Variants in DOCK4 observed in about 807,000 individuals in gnomAD.
DOCK4 encodes dedicator of cytokinesis 4.
In DOCK4, 97 loss-of-function variants were observed where a neutral mutation model predicts 268.1. That is an observed-to-expected ratio of 0.36 (90% CI 0.31 to 0.43). The LOEUF (loss-of-function observed/expected upper bound fraction) is 0.43. Ranked by LOEUF, DOCK4 falls within the 20% of genes least tolerant of loss-of-function variation. The pLI is 1.00. For missense variants in DOCK4, 2,145 were observed against 2,455.7 expected (o/e 0.87, Z 2.67); for synonymous variants, 954 against 887.2 (o/e 1.08, Z -1.34).
intron 1 of DOCK4, among the ~76,000 whole-genome samples, chr7:112,128,748 A>C (rs1452258632): frequency 1.3e-5 from 2 of 151,806 alleles, no homozygotes; most frequent in Non-Finnish European, 1.5e-5. Context: ...CCACTCCCTA[A>C]TCTCAAGTAC....
At chr7:111,953,217 A>C (rs1381554473) in intron 8 of DOCK4, among the ~76,000 whole-genome samples, 1 of 151,764 alleles carries the variant, frequency 6.6e-6, no homozygotes, top group Admixed American at 6.6e-5. Flanking sequence ...TTAAAAAAAA[A>C]AAAAATTAAC....
In DOCK4 at chr7:111,734,949, C is replaced by A; in HGVS notation, c.5419+105G>T. On this transcript the variant is annotated intron_variant, in intron 51 of 52. Coordinates refer to ENST00000428084, the MANE Select transcript of DOCK4 (RefSeq NM_001363540.2). ...TTATGCAGCTACTAAGGTTTTTATC[C>A]CAGAAATCAAACGCCTACCTTTCTC... is the stretch of plus-strand genomic sequence containing the variant. 3.4e-6 allele frequency: 3 copies of A among 890,804 alleles called. No homozygotes were observed. The East Asian group carries it at 7.9e-5, about 24-fold the overall frequency. 55.2% of individuals were successfully genotyped at this position (890,804 alleles called of 1,614,324 possible).
chr7:111,987,926 C>T (rs752418132), intron 6 of DOCK4, among the ~76,000 whole-genome samples: 13 of 152,128 alleles, frequency 8.5e-5, no homozygotes, highest in South Asian at 4.1e-4. Flanking sequence ...AACAAAATAC[C>T]GGAAGTCCTC....
At chr7:112,039,311 T>A (rs551665175) in intron 1 of DOCK4, among the ~76,000 whole-genome samples, 1 of 147,306 alleles carries the variant, frequency 6.8e-6, no homozygotes, top group African/African-American at 2.5e-5. Flanking sequence ...GCTGATAACA[T>A]TGAATTACCA....
At chr7:112,055,162 T>C (rs1805702152) in intron 1 of DOCK4, among the ~76,000 whole-genome samples, 1 of 152,200 alleles carries the variant, frequency 6.6e-6, no homozygotes, top group African/African-American at 2.4e-5. Context: ...TGCAGCATAT[T>C]TTCTGGTCAC....
intron 22 of DOCK4, among the ~76,000 whole-genome samples, 164 bp downstream of exon 22, chr7:111,867,820 G>A (rs1806097477): frequency 6.6e-6 from 1 of 152,178 alleles, no homozygotes; most frequent in Non-Finnish European, 1.5e-5. Flanking sequence ...GTACACAGAA[G>A]GTAGGGGAAT....
intron 1 of DOCK4, among the ~76,000 whole-genome samples, chr7:112,110,778 C>T (rs1811578916): frequency 6.6e-6 from 1 of 152,158 alleles, no homozygotes; most frequent in East Asian, 1.9e-4. Context: ...CCAGTATAGA[C>T]ACAGTATCCA....
At chr7:112,162,327 T>G (rs551667460) in intron 1 of DOCK4, among the ~76,000 whole-genome samples, 6 of 152,038 alleles carry the variant, frequency 3.9e-5, no homozygotes, top group Non-Finnish European at 7.4e-5. Context: ...GCTGTCACTC[T>G]TGGTACCCCA....
intron 1 of DOCK4, among the ~76,000 whole-genome samples, chr7:112,134,179 T>A (rs549162661): frequency 6.6e-6 from 1 of 152,112 alleles, no homozygotes; most frequent in South Asian, 2.1e-4. Flanking sequence ...ATTTATAGAG[T>A]TAAGACAGAT....
At chr7:111,919,399 C>T (rs1029840193) in intron 12 of DOCK4, among the ~76,000 whole-genome samples, 5 of 151,718 alleles carry the variant, frequency 3.3e-5, no homozygotes, top group African/African-American at 9.7e-5. Context: ...AGGAGACAGT[C>T]GACAGAGAGG....
chr7:111,862,282 G>A (rs1022915114), intron 23 of DOCK4, among the ~76,000 whole-genome samples: 1 of 151,908 alleles, frequency 6.6e-6, no homozygotes, highest in Non-Finnish European at 1.5e-5. Context: ...CTGGGCAACA[G>A]AGCAAGACTC....
At chr7:111,795,080 T>C (rs1799798448) in intron 30 of DOCK4, among the ~76,000 whole-genome samples, 1 of 152,118 alleles carries the variant, frequency 6.6e-6, no homozygotes, top group African/African-American at 2.4e-5. Flanking sequence ...TTGTCCCATA[T>C]TAATCCATCA....
chr7:112,038,084 T>C lies in DOCK4; in HGVS notation c.38-33953A>G, dbSNP rs77942544. On this transcript the variant is annotated intron_variant, in intron 1 of 52. Transcript: ENST00000428084. ...CAGCATGTTAGCATTGTTATAAAATTATTCATGCCTGTCTACCTATCCATT... is the reference window on the plus strand; with the variant it reads ...CAGCATGTTAGCATTGTTATAAAATCATTCATGCCTGTCTACCTATCCATT... 1.4e-4 allele frequency among the ~76,000 whole-genome samples: 21 copies of C among 152,362 alleles called. No individual in the cohort carries two copies. The East Asian group carries it at 4.0e-3, about 29-fold the overall frequency.
At chr7:112,172,192 T>C (rs760285158) in intron 1 of DOCK4, among the ~76,000 whole-genome samples, 3 of 152,158 alleles carry the variant, frequency 2.0e-5, no homozygotes, top group Non-Finnish European at 4.4e-5. Context: ...TTCCAGTACG[T>C]TTCCTGTGCT....
intron 31 of DOCK4, 114 bp from the exon 32 acceptor site, chr7:111,788,861 G>A: frequency 1.1e-6 from 1 of 932,898 alleles, no homozygotes; most frequent in South Asian, 1.4e-5. Context: ...TTTTGTGAAA[G>A]TGACATTATC....
intron 30 of DOCK4, among the ~76,000 whole-genome samples, chr7:111,791,160 A>T (rs1585997035): frequency 6.8e-6 from 1 of 146,618 alleles, no homozygotes; most frequent in East Asian, 2.0e-4. Flanking sequence ...TAAAATTTTT[A>T]TGTGATCATT....
rs1208869019 is a variant in DOCK4 at position 111,762,757 on chromosome 7, GTTTTCTTTTTTTT to G, written c.4020+2348_4020+2360del. ...TTCTTTAAATAACCCATTTTGTTTT[GTTTTCTTTTTTTT>G]TTTTTTTTTTTTTTTTGGAGACAGG... On this transcript the variant is annotated intron_variant, in intron 39 of 52. Transcript: ENST00000428084. 1.9e-3 allele frequency among the ~76,000 whole-genome samples: 104 copies of G among 55,000 alleles called. 1 individual carries two copies. The highest frequency in any genetic ancestry group is 0.018 in the Middle Eastern group (1 of 56). 36.1% of individuals were successfully genotyped at this position (55,000 alleles called of 152,430 possible).
At chr7:112,011,479 C>T (rs1181355992) in intron 1 of DOCK4, among the ~76,000 whole-genome samples, 2 of 152,028 alleles carry the variant, frequency 1.3e-5, no homozygotes. Flanking sequence ...CTAAGTTTTT[C>T]ATGTGTTAGT....
At chr7:112,001,432 T>G (rs1418975641) in intron 2 of DOCK4, among the ~76,000 whole-genome samples, 2 of 152,180 alleles carry the variant, frequency 1.3e-5, no homozygotes, top group African/African-American at 4.8e-5. Flanking sequence ...AGTTATTTAC[T>G]AGCCCTCTCG....
Sources: allele counts gnomAD v4.1 joint callset (sites outside exome capture counted in the v4.1 genomes callset), GRCh38; gene constraint gnomAD v4.1.1; transcripts MANE v1.5; gene names NCBI Gene and HGNC (gene_info 2026-07-23, HGNC 2026-07-21).